The following HECW1 variants were observed in gnomAD, a reference collection of about 807,000 sequenced individuals.
HECW1 encodes the protein E3 ubiquitin-protein ligase HECW1.
HECW1 carries 61 observed loss-of-function variants against 182.3 expected under a neutral mutation model. That is an observed-to-expected ratio of 0.33 (90% confidence interval 0.27 to 0.41). The LOEUF (loss-of-function observed/expected upper bound fraction) is 0.41, where lower values mean the gene tolerates loss of function less well. Ranked by LOEUF, HECW1 falls within the 10% of genes least tolerant of loss-of-function variation. The pLI, the probability that HECW1 is intolerant of heterozygous loss-of-function variation, is 1.00. For synonymous variants in HECW1, 859 were observed against 832.6 expected, an observed-to-expected ratio of 1.03 and a Z score of -0.55; for missense variants, 1,739 against 2,108.9, an observed-to-expected ratio of 0.82 and a Z score of 3.44.
At chr7:43,288,063 T>C (rs1804888693) in intron 3 of HECW1, among the ~76,000 whole-genome samples, 1 of 152,208 alleles carries the variant, frequency 6.6e-6, no homozygotes, top group African/African-American at 2.4e-5. Context: ...CACTCATTGT[T>C]AGATTTTCTG....
At chr7:43,336,143 TTTCTCTCTCTCTCTCTCTCTC>T (rs1812211431) in intron 5 of HECW1, among the ~76,000 whole-genome samples, 2 of 52,298 alleles carry the variant, frequency 3.8e-5, no homozygotes, top group Non-Finnish European at 7.3e-5. Flanking sequence ...TCTCTCTCTC[TTTCTCTCTCTCTCTCTCTCTC>T]TCTCTCTCTC....
chr7:43,172,760 A>G (rs1791820769), intron 2 of HECW1, among the ~76,000 whole-genome samples: 1 of 152,226 alleles, frequency 6.6e-6, no homozygotes, highest in Admixed American at 6.5e-5. Context: ...AGAGGCTCAC[A>G]GGAATACCTG....
chr7:43,320,569 T>C, intron 4 of HECW1, 66 bp from the exon 5 acceptor site: 3 of 1,115,188 alleles, frequency 2.7e-6, no homozygotes, highest in Non-Finnish European at 4.1e-6. Context: ...GCTTTTCTTT[T>C]ATTCCCCTAA....
rs1202832720 is a variant in HECW1 at position 43,445,364 on chromosome 7, C to T, written c.2192C>T (p.Thr731Met). The change falls in exon 11 of 30, where the codon ACG becomes ATG. Residue 731 changes from threonine to methionine, a missense_variant. Coordinates refer to ENST00000395891, the MANE Select transcript of HECW1 (RefSeq NM_015052.5). ...SVDSAKISES[T>M]VFSSQDDEEE... Reference sequence around the variant, plus strand: ...GACAGCGCCAAGATCTCCGAGAGCACGGTCTTCTCCTCGCAAGACGACGAG... The same window carrying T: ...GACAGCGCCAAGATCTCCGAGAGCATGGTCTTCTCCTCGCAAGACGACGAG... 1 of 1,613,786 alleles carries T rather than the reference C, an allele frequency of 6.2e-7. No individual in the cohort carries two copies. Among genetic ancestry groups the T allele is most frequent in the South Asian group, 1.1e-5 (1 of 91,090 alleles).
Position 43,282,329 on chromosome 7 carries a change from C to T in HECW1, c.28-29434C>T, listed in dbSNP as rs739982. Among the ~76,000 whole-genome samples the T allele has an allele frequency of 8.5e-5, 13 of 152,222 alleles. No homozygotes were observed. The South Asian group carries it at 2.7e-3, about 32-fold the overall frequency. ...AAGGGCCCCGCATCACACTCTTTTT[C>T]GCTGACTTCACTCATCTGCTGAGAA... is the stretch of plus-strand genomic sequence containing the variant. On this transcript the variant is annotated intron_variant, in intron 3 of 29. Coordinates refer to ENST00000395891, the MANE Select transcript of HECW1 (RefSeq NM_015052.5).
rs1397653417 is a variant in HECW1 at position 43,468,952 on chromosome 7, C to T, written c.2946C>T (p.Cys982=). The part of the protein sequence containing the change: ...SAYRVFTSST[C]LKHMILKVRR... The stretch of plus-strand genomic sequence containing the variant: ...ACCGAGTCTTCACCAGTAGCACCTG[C>T]TTAAAGCACATGATTCTGAAAGTCC... The change falls in exon 16 of 30, where the codon TGC becomes TGT. Residue 982 remains cysteine (C), a synonymous_variant. Coordinates refer to ENST00000395891, the MANE Select transcript of HECW1 (RefSeq NM_015052.5). 3 of 1,614,228 alleles carry T rather than the reference C, an allele frequency of 1.9e-6. No homozygotes were observed. Among genetic ancestry groups the T allele is most frequent in the East Asian group, 2.2e-5 (1 of 44,880 alleles).
intron 29 of HECW1, among the ~76,000 whole-genome samples, chr7:43,560,413 A>G (rs759815839): frequency 1.1e-4 from 17 of 152,192 alleles, no homozygotes; most frequent in Non-Finnish European, 2.5e-4. Context: ...CAGACACTCT[A>G]CTGCCCTGTG....
At chr7:43,216,337 G>A (rs1796439683) in intron 2 of HECW1, among the ~76,000 whole-genome samples, 1 of 152,056 alleles carries the variant, frequency 6.6e-6, no homozygotes, top group Admixed American at 6.6e-5. Flanking sequence ...GGAGAGACGA[G>A]CTTTCACCAT....
intron 24 of HECW1, chr7:43,511,400 G>GA (rs2079864948): frequency 1.3e-5 from 2 of 152,280 alleles, no homozygotes; most frequent in African/African-American, 4.8e-5. Flanking sequence ...GAACCCTTAT[G>GA]ATTTAAAGCT....
At chr7:43,551,919 G>A (rs1012426070) in intron 27 of HECW1, among the ~76,000 whole-genome samples, 14 of 152,098 alleles carry the variant, frequency 9.2e-5, no homozygotes, top group African/African-American at 2.7e-4. Flanking sequence ...GAAGGGACAC[G>A]GGGTCTGTCT....
At chr7:43,210,109 G>T (rs993608238) in intron 2 of HECW1, among the ~76,000 whole-genome samples, 1 of 152,142 alleles carries the variant, frequency 6.6e-6, no homozygotes, top group African/African-American at 2.4e-5. Context: ...GGACCCAGCC[G>T]TATGTGGGGT....
chr7:43,499,738 G>A (rs1015777475), intron 19 of HECW1, among the ~76,000 whole-genome samples: 6 of 152,088 alleles, frequency 3.9e-5, no homozygotes, highest in Non-Finnish European at 8.8e-5. Context: ...GCATGCATAC[G>A]ATAGAAAGAT....
In HECW1 at chr7:43,445,083, C is replaced by T. The variant is rs758132454; in HGVS notation, c.1911C>T (p.Phe637=). The change falls in exon 11 of 30, where the codon TTC becomes TTT. Residue 637 remains phenylalanine (F), a synonymous_variant. Transcript: ENST00000395891. ...ACCCTGGCCACTCCGGGGGCCACTTCCCCAGCCTGGCCAATGGCGCGGCCC... is the reference window on the plus strand; with the variant it reads ...ACCCTGGCCACTCCGGGGGCCACTTTCCCAGCCTGGCCAATGGCGCGGCCC... The part of the protein sequence containing the change: ...TAHPGHSGGH[F]PSLANGAAQD... 1.7e-5 allele frequency: 27 copies of T among 1,602,310 alleles called. No individual in the cohort carries two copies. The East Asian group carries it at 6.0e-4, about 36-fold the overall frequency.
chr7:43,237,992 GC>G (rs1798543284), intron 2 of HECW1, among the ~76,000 whole-genome samples: 2 of 152,132 alleles, frequency 1.3e-5, no homozygotes, highest in Admixed American at 6.5e-5. Flanking sequence ...GCATAATTCT[GC>G]CCCATCATAT....
intron 6 of HECW1, among the ~76,000 whole-genome samples, chr7:43,388,093 A>G (rs1464951463): frequency 6.6e-6 from 1 of 152,178 alleles, no homozygotes; most frequent in Non-Finnish European, 1.5e-5. Flanking sequence ...CCTAACACAG[A>G]CAGAGGAGGA....
intron 4 of HECW1, among the ~76,000 whole-genome samples, chr7:43,317,683 T>A (rs2152777902): frequency 6.6e-6 from 1 of 152,344 alleles, no homozygotes; most frequent in East Asian, 1.9e-4. Flanking sequence ...ATTTTTCTTG[T>A]GTGATACTTG....
chr7:43,440,773 G>C (rs1012953557), intron 9 of HECW1, among the ~76,000 whole-genome samples: 2 of 152,152 alleles, frequency 1.3e-5, no homozygotes, highest in African/African-American at 4.8e-5. Context: ...TTTCTAAACA[G>C]ACAAAATACT....
chr7:43,380,509 A>C (rs1020527432), intron 6 of HECW1, among the ~76,000 whole-genome samples: 7 of 152,052 alleles, frequency 4.6e-5, no homozygotes, highest in Non-Finnish European at 8.8e-5. Context: ...ATATTTTTAT[A>C]CATTTTTTTG....
chr7:43,174,848 A>G lies in HECW1; in HGVS notation c.-32+60457A>G, dbSNP rs1016840545. Among the ~76,000 whole-genome samples, 32 of 152,202 alleles carry G rather than the reference A, an allele frequency of 2.1e-4. 1 individual carries two copies. Among genetic ancestry groups the G allele is most frequent in the Admixed American group, 1.8e-3 (28 of 15,274 alleles). On this transcript the variant is annotated intron_variant, in intron 2 of 29. Coordinates refer to ENST00000395891, the MANE Select transcript of HECW1 (RefSeq NM_015052.5). ...AAAGAAGAATGGTTTAAAGTAGTTG[A>G]CATTTTGCTGTGCCCCTAACAGCAA...
Sources: gnomAD v4.1 joint callset for allele counts (sites outside exome capture counted in the v4.1 genomes callset) on GRCh38, gnomAD v4.1.1 for gene constraint, MANE v1.5 for transcripts, NCBI Gene and HGNC (gene_info 2026-07-23, HGNC 2026-07-21) for gene names.